Variants in COL4A1 observed in about 807,000 individuals in gnomAD.
COL4A1 encodes the protein collagen alpha-1(IV) chain.
A neutral mutation model predicts 216.6 loss-of-function variants in COL4A1; 40 were observed. The ratio of observed to expected loss-of-function variants is 0.18; its 90% CI spans 0.14 to 0.24. COL4A1 has a LOEUF of 0.24. Ranked by LOEUF, COL4A1 falls within the 10% of genes least tolerant of loss-of-function variation. COL4A1 has a pLI of 1.00. For missense variants in COL4A1, 1,628 were observed against 2,196.8 expected (o/e 0.74, Z 5.18); for synonymous variants, 839 against 810.7 (o/e 1.03, Z -0.59).
At chr13:110,239,835 A>G (rs960801303) in intron 2 of COL4A1, among the ~76,000 whole-genome samples, 9 of 152,222 alleles carry the variant, frequency 5.9e-5, no homozygotes, top group Admixed American at 5.9e-4. Flanking sequence ...AAAGGGAACC[A>G]GATCGGAAAC....
At chr13:110,235,973 A>C (rs1341091096) in intron 2 of COL4A1, among the ~76,000 whole-genome samples, 2 of 152,222 alleles carry the variant, frequency 1.3e-5, no homozygotes, top group East Asian at 3.8e-4. Flanking sequence ...ATACAAATAA[A>C]GTACAGTCCC....
Position 110,169,755 on chromosome 13 carries a change from C to T in COL4A1, c.3750G>A (p.Pro1250=), listed in dbSNP as rs372343245. ...GAAGCCCTGGAGGCCCCATGGGTCC[C>T]GGAAGTCCTAATGGAAGAGAAGAAA... ...PQGQPGLPGL[P]GPMGPPGLPG... The change falls in exon 43 of 52, where the codon CCG becomes CCA. Residue 1250 remains proline, a synonymous_variant. Transcript: ENST00000375820. 134 of 1,613,700 alleles carry T rather than the reference C, an allele frequency of 8.3e-5. No homozygotes were observed. Among genetic ancestry groups the T allele is most frequent in the African/African-American group, 1.9e-4 (14 of 74,802 alleles).
chr13:110,262,714 G>C (rs1018484994), intron 1 of COL4A1, among the ~76,000 whole-genome samples: 1 of 152,188 alleles, frequency 6.6e-6, no homozygotes, highest in African/African-American at 2.4e-5. Context: ...AGGGAAACAC[G>C]CATCTCCTGA....
chr13:110,255,187 G>A (rs1882453990), intron 1 of COL4A1, among the ~76,000 whole-genome samples: 2 of 152,222 alleles, frequency 1.3e-5, no homozygotes, highest in African/African-American at 4.8e-5. Flanking sequence ...GCAGCTGCCT[G>A]TGCCCACAAA....
chr13:110,285,495 G>C (rs1883805614), intron 1 of COL4A1, among the ~76,000 whole-genome samples: 1 of 152,212 alleles, frequency 6.6e-6, no homozygotes, highest in African/African-American at 2.4e-5. Context: ...TACTGTGATT[G>C]TTAGTTTTAT....
At chr13:110,197,111 T>C (rs1490809196) in intron 21 of COL4A1, among the ~76,000 whole-genome samples, 1 of 152,030 alleles carries the variant, frequency 6.6e-6, no homozygotes, top group African/African-American at 2.4e-5. Flanking sequence ...ATTACGAACA[T>C]CCAAAAGAAT....
rs1877525758 is a variant in COL4A1 at position 110,169,862 on chromosome 13, T to C, written c.3743-100A>G. 6 of 1,366,232 alleles carry C rather than the reference T, an allele frequency of 4.4e-6. No individual in the cohort carries two copies. The African/African-American group carries it at 7.6e-5, about 17-fold the overall frequency. 84.6% of individuals were successfully genotyped at this position (1,366,232 alleles called of 1,614,324 possible). A position where few individuals can be genotyped will look rare whatever the true frequency, so the allele number is the denominator to read the frequency against. On this transcript the variant is annotated intron_variant, in intron 42 of 51. Transcript: ENST00000375820. Reference sequence around the variant, plus strand: ...ACTGCCACCCACGGCCCCTCACTGATACAACACTGGACCAACAGTGACAAC... The same window carrying C: ...ACTGCCACCCACGGCCCCTCACTGACACAACACTGGACCAACAGTGACAAC...
At chr13:110,180,046 G>A (rs1177158722) in intron 29 of COL4A1, among the ~76,000 whole-genome samples, 1 of 152,170 alleles carries the variant, frequency 6.6e-6, no homozygotes, top group East Asian at 1.9e-4. Context: ...GGCTCCACCG[G>A]TGTCCCCTGT....
At chr13:110,294,677 A>G (rs1486000552) in intron 1 of COL4A1, among the ~76,000 whole-genome samples, 1 of 152,218 alleles carries the variant, frequency 6.6e-6, no homozygotes, top group Non-Finnish European at 1.5e-5. Flanking sequence ...CTTCCTTACA[A>G]CTATTTTAAC....
At chr13:110,201,905 C>G (rs529614066) in intron 18 of COL4A1, among the ~76,000 whole-genome samples, 16 of 152,246 alleles carry the variant, frequency 1.1e-4, no homozygotes, top group African/African-American at 3.6e-4. Context: ...TCGCTCGAAC[C>G]CAGGAGGTGG....
chr13:110,172,827 G>A, intron 40 of COL4A1, 57 bp from the exon 41 acceptor site: 10 of 1,426,572 alleles, frequency 7.0e-6, no homozygotes, highest in South Asian at 1.1e-5. Flanking sequence ...CCATCTGCAG[G>A]TACAACACAA....
chr13:110,163,612 C>A, intron 46 of COL4A1, 51 bp from the exon 47 acceptor site: 1 of 1,487,974 alleles, frequency 6.7e-7, no homozygotes, highest in Non-Finnish European at 9.3e-7. Context: ...TAAGCTGTAT[C>A]TCTTTCTTCC....
At chr13:110,195,989 G>A (rs1878869843) in intron 21 of COL4A1, among the ~76,000 whole-genome samples, 1 of 152,130 alleles carries the variant, frequency 6.6e-6, no homozygotes, top group South Asian at 2.1e-4. Flanking sequence ...GTGGAGTGGG[G>A]CTGTGGGGCC....
At position 110,263,813 on chromosome 13, in the gene COL4A1, C is replaced by T. The variant is rs549546718; in HGVS notation, c.85-21079G>A. 2.0e-5 allele frequency among the ~76,000 whole-genome samples: 3 copies of T among 152,168 alleles called. No individual in the cohort carries two copies. The East Asian group carries it at 5.8e-4, about 29-fold the overall frequency. The stretch of plus-strand genomic sequence containing the variant: ...ACACTTATTAGGGCTCTCAAATAAA[C>T]TTTAAAGAAATGTAAGTTTAGGCTA... On this transcript the variant is annotated intron_variant, in intron 1 of 51. Transcript: ENST00000375820.
At chr13:110,158,730 A>G (rs1323996121) in intron 49 of COL4A1, among the ~76,000 whole-genome samples, 1 of 146,108 alleles carries the variant, frequency 6.8e-6, no homozygotes, top group African/African-American at 2.5e-5. Flanking sequence ...AATATTTCTA[A>G]GAAATAAACT....
At chr13:110,272,048 C>G (rs1300255830) in intron 1 of COL4A1, among the ~76,000 whole-genome samples, 1 of 152,148 alleles carries the variant, frequency 6.6e-6, no homozygotes. Context: ...TTTGTCAATA[C>G]TCAATATCAA....
At chr13:110,282,949 C>G (rs901197109) in intron 1 of COL4A1, among the ~76,000 whole-genome samples, 1 of 152,214 alleles carries the variant, frequency 6.6e-6, no homozygotes, top group Non-Finnish European at 1.5e-5. Flanking sequence ...CTCCACATTT[C>G]AAAATCAAAA....
chr13:110,304,641 G>C (rs189778926), intron 1 of COL4A1, among the ~76,000 whole-genome samples: 7 of 152,358 alleles, frequency 4.6e-5, no homozygotes, highest in Non-Finnish European at 7.3e-5. Flanking sequence ...GCGGGGAGTA[G>C]AGTGGTAGGT....
At chr13:110,277,585 C>T (rs771952330) in intron 1 of COL4A1, among the ~76,000 whole-genome samples, 3 of 152,168 alleles carry the variant, frequency 2.0e-5, no homozygotes, top group Admixed American at 6.6e-5. Flanking sequence ...AACTGCTGTT[C>T]GGGTGATGGG....
Sources: gnomAD v4.1 joint callset for allele counts (sites outside exome capture counted in the v4.1 genomes callset) on GRCh38, gnomAD v4.1.1 for gene constraint, MANE v1.5 for transcripts, NCBI Gene and HGNC (gene_info 2026-07-23, HGNC 2026-07-21) for gene names.